CD96: variants seen among roughly 807,000 people sequenced by gnomAD.
CD96 encodes the protein T-cell surface protein tactile.
In CD96, 70 loss-of-function variants were observed where a neutral mutation model predicts 71.3. That is an observed-to-expected ratio of 0.98 (90% CI 0.81 to 1.20). The LOEUF (loss-of-function observed/expected upper bound fraction) is 1.20. Among genes scored for constraint, CD96 ranks in the 50% most tolerant of loss-of-function variants. CD96 has a pLI of 0.00. For synonymous variants in CD96, 248 were observed against 233.0 expected (o/e 1.06, Z -0.59); for missense variants, 742 against 677.5 (o/e 1.10, Z -1.06).
At chr3:111,632,016 C>T (rs181432377) in intron 10 of CD96, among the ~76,000 whole-genome samples, 2 of 152,204 alleles carry the variant, frequency 1.3e-5, no homozygotes, top group Admixed American at 1.3e-4. Flanking sequence ...ACTATAAAAA[C>T]CCTAGAAGAA....
In CD96 at chr3:111,542,324, T is replaced by C. The variant is rs368739079; in HGVS notation, c.61+15T>C. The C allele has an allele frequency of 1.3e-5, 21 of 1,606,768 alleles. No individual in the cohort carries two copies. The African/African-American group carries it at 2.8e-4, about 21-fold the overall frequency. ...TTTTGTCAAGGGTAAGACTTCCAGTTGTCCCTTCTTGTCGGATGGGCCGCT... is the reference window on the plus strand; with the variant it reads ...TTTTGTCAAGGGTAAGACTTCCAGTCGTCCCTTCTTGTCGGATGGGCCGCT... On this transcript the variant is annotated intron_variant, in intron 1 of 13. Coordinates refer to ENST00000352690, the MANE Select transcript of CD96 (RefSeq NM_005816.5).
chr3:111,593,699 T>C, intron 5 of CD96: 1 of 1,613,740 alleles, frequency 6.2e-7, no homozygotes, highest in African/African-American at 1.3e-5. Flanking sequence ...CTCCCGCCAT[T>C]CCACTGCCCT....
downstream of CD96, among the ~76,000 whole-genome samples, chr3:111,653,195 C>CCTACTGTG (rs1341031990): frequency 2.0e-5 from 3 of 152,140 alleles, no homozygotes; most frequent in Non-Finnish European, 4.4e-5. Context: ...TTCAGACTAG[C>CCTACTGTG]CTACTGTGCC....
chr3:111,598,890 A>G (rs779945225), intron 6 of CD96, among the ~76,000 whole-genome samples: 3 of 152,196 alleles, frequency 2.0e-5, no homozygotes, highest in Non-Finnish European at 4.4e-5. Context: ...CTTTCTCCTG[A>G]GTCGTTTTTC....
intron 8 of CD96, among the ~76,000 whole-genome samples, chr3:111,609,828 T>C (rs1045850839): frequency 6.6e-6 from 1 of 152,120 alleles, no homozygotes; most frequent in African/African-American, 2.4e-5. Flanking sequence ...TTGTGTTAGA[T>C]AAGTGGTTGT....
At chr3:111,580,849 ACTGT>A (rs1936432689) in intron 4 of CD96, among the ~76,000 whole-genome samples, 2 of 152,292 alleles carry the variant, frequency 1.3e-5, no homozygotes, top group South Asian at 4.2e-4. Context: ...CCAGGCTGTG[ACTGT>A]CTTAGTGCAA....
chr3:111,649,813 G>A lies in CD96; in HGVS notation c.*7G>A. ...TGAGATGGAGACCCTCTAGTCTCGT[G>A]AGACTTTGCCCCATGGCAGAACTCT... On this transcript the variant is annotated 3_prime_UTR_variant, in exon 14 of 14. Coordinates refer to ENST00000352690, the MANE Select transcript of CD96 (RefSeq NM_005816.5). 3 of 1,545,906 alleles carry A rather than the reference G, an allele frequency of 1.9e-6. No homozygotes were observed. The highest frequency in any genetic ancestry group is 2.2e-5 in the South Asian group (2 of 89,718).
intron 3 of CD96, chr3:111,571,061 G>A (rs1935960076): frequency 1.9e-6 from 2 of 1,040,410 alleles, no homozygotes; most frequent in African/African-American, 1.6e-5. Flanking sequence ...CCAGGCTGTG[G>A]GGTAGGAGGT....
In CD96 at chr3:111,623,753, G is replaced by T. The variant is rs77738677; in HGVS notation, c.1181-1G>T. ...ATTTGGGAATTTTATTTTCAAAATA[G>T]GATATCCAGCTACATCTTCAGTGAC... is the stretch of plus-strand genomic sequence containing the variant. On this transcript the variant is annotated splice_acceptor_variant, in intron 8 of 13. Transcript: ENST00000352690. LOFTEE classifies it high-confidence loss of function. 3.1e-6 allele frequency: 5 copies of T among 1,598,508 alleles called. No homozygotes were observed. Among genetic ancestry groups the T allele is most frequent in the Non-Finnish European group, 4.3e-6 (5 of 1,165,902 alleles).
At chr3:111,659,840 A>C (rs1940313795) in intron 14 of CD96, among the ~76,000 whole-genome samples, 1 of 152,196 alleles carries the variant, frequency 6.6e-6, no homozygotes, top group Non-Finnish European at 1.5e-5. Context: ...TTCATGAAAA[A>C]ATTCCTCAAC....
chr3:111,600,457 A>G (rs1937441975), intron 6 of CD96, among the ~76,000 whole-genome samples: 1 of 152,208 alleles, frequency 6.6e-6, no homozygotes, highest in South Asian at 2.1e-4. Context: ...ATCTGCCCCA[A>G]AACATTTTGG....
intron 3 of CD96, among the ~76,000 whole-genome samples, chr3:111,568,111 T>C (rs1481049920): frequency 6.6e-6 from 1 of 152,186 alleles, no homozygotes; most frequent in Non-Finnish European, 1.5e-5. Context: ...TTGTGAAATA[T>C]AAGCAGCAAA....
intron 2 of CD96, 119 bp from the exon 3 acceptor site, chr3:111,567,404 T>C: frequency 2.6e-6 from 2 of 775,916 alleles, no homozygotes; most frequent in Admixed American, 2.1e-5. Context: ...CTCTTTTTCA[T>C]AGGTGTACCC....
rs549295589 is a variant in CD96, at chr3:111,585,467, A to G, written c.807+89A>G. 2.4e-5 allele frequency: 20 copies of G among 845,682 alleles called. No individual in the cohort carries two copies. In the East Asian group the frequency reaches 4.8e-4, roughly 20 times the overall value. The allele number at this position is 845,682 out of a possible 1,614,324, so 52.4% of individuals were successfully genotyped here. ...GTTGCCAGGAATGTTCTCTCAAAGAACTTTACTCCTTGGCCCTTGACCAAT... is the reference window on the plus strand; with the variant it reads ...GTTGCCAGGAATGTTCTCTCAAAGAGCTTTACTCCTTGGCCCTTGACCAAT... On this transcript the variant is annotated intron_variant, in intron 5 of 13. Transcript: ENST00000352690.
intron 2 of CD96, among the ~76,000 whole-genome samples, chr3:111,549,701 T>A (rs990915128): frequency 6.6e-6 from 1 of 151,962 alleles, no homozygotes; most frequent in Non-Finnish European, 1.5e-5. Context: ...AAGGAAGGAA[T>A]AAAAAGCAGC....
intron 8 of CD96, among the ~76,000 whole-genome samples, chr3:111,614,355 G>C (rs1016011184): frequency 6.6e-6 from 1 of 152,122 alleles, no homozygotes; most frequent in Non-Finnish European, 1.5e-5. Context: ...GGGAGAGGTA[G>C]GTAAGGAAGG....
chr3:111,558,341 G>A (rs1935189273), intron 2 of CD96, among the ~76,000 whole-genome samples: 1 of 135,334 alleles, frequency 7.4e-6, no homozygotes, highest in South Asian at 2.4e-4. Context: ...TTGGCTGTGG[G>A]TTTGTCATAG....
chr3:111,632,614 C>T (rs1245574710), intron 10 of CD96, among the ~76,000 whole-genome samples: 1 of 152,172 alleles, frequency 6.6e-6, no homozygotes, highest in Non-Finnish European at 1.5e-5. Flanking sequence ...AATCCCATTA[C>T]TGAGTGTATA....
At chr3:111,549,220 G>A (rs1934570648) in intron 2 of CD96, among the ~76,000 whole-genome samples, 1 of 150,852 alleles carries the variant, frequency 6.6e-6, no homozygotes, top group Non-Finnish European at 1.5e-5. Flanking sequence ...TTCAACTGGA[G>A]TTAACCAAGT....
Sources: gnomAD v4.1 joint callset for allele counts (sites outside exome capture counted in the v4.1 genomes callset) on GRCh38, gnomAD v4.1.1 for gene constraint, MANE v1.5 for transcripts, NCBI Gene and HGNC (gene_info 2026-07-23, HGNC 2026-07-21) for gene names.